YES1: variants seen among roughly 807,000 people sequenced by gnomAD.
YES1 encodes the protein tyrosine-protein kinase Yes.
Under a neutral mutation model 70.4 loss-of-function variants are expected in YES1, and 39 were observed. The ratio of observed to expected loss-of-function variants is 0.55; its 90% confidence interval spans 0.43 to 0.72. YES1 has a LOEUF of 0.72. YES1 is among the 30% of genes least tolerant of loss of function. YES1 has a pLI of 0.00. For synonymous variants in YES1, 198 were observed against 218.6 expected, an observed-to-expected ratio of 0.91 and a Z score of 0.83; for missense variants, 495 against 644.8, an observed-to-expected ratio of 0.77 and a Z score of 2.52.
upstream of YES1, chr18:812,364 G>C (rs1043966270): frequency 1.3e-5 from 2 of 151,506 alleles, no homozygotes; most frequent in African/African-American, 4.9e-5. Context: ...ACTTCTAGCG[G>C]GGGCGGGGGC....
At chr18:789,237 T>C (rs1906116285) in intron 1 of YES1, among the ~76,000 whole-genome samples, 1 of 152,170 alleles carries the variant, frequency 6.6e-6, no homozygotes, top group African/African-American at 2.4e-5. Context: ...TATTAAAATA[T>C]TCATGACCCA....
Position 757,289 on chromosome 18 carries a change from G to T in YES1, c.-8-454C>A, listed in dbSNP as rs184580137. ...GAGGCCAAGGCGGGCGGATCACGAGGTCAGGAGATTGAGACCATCCTGGCT... is the reference window on the plus strand; with the variant it reads ...GAGGCCAAGGCGGGCGGATCACGAGTTCAGGAGATTGAGACCATCCTGGCT... On this transcript the variant is annotated intron_variant, in intron 1 of 11. Coordinates refer to ENST00000314574, the MANE Select transcript of YES1 (RefSeq NM_005433.4). Among the ~76,000 whole-genome samples, 442 of 151,614 alleles carry T rather than the reference G, an allele frequency of 2.9e-3. 1 individual carries two copies. Among genetic ancestry groups the T allele is most frequent in the South Asian group, 5.2e-3 (25 of 4,810 alleles).
At chr18:778,143 A>C (rs1349306146) in intron 1 of YES1, among the ~76,000 whole-genome samples, 1 of 152,204 alleles carries the variant, frequency 6.6e-6, no homozygotes, top group African/African-American at 2.4e-5. Flanking sequence ...AAGAAACTGA[A>C]ATGGAGAGAG....
chr18:800,573 A>G (rs1568220480), intron 1 of YES1, among the ~76,000 whole-genome samples: 1 of 152,238 alleles, frequency 6.6e-6, no homozygotes, highest in East Asian at 1.9e-4. Context: ...GGGAGGACAA[A>G]GGGTACATTC....
intron 1 of YES1, among the ~76,000 whole-genome samples, chr18:771,366 T>TC (rs1260155750): frequency 2.0e-5 from 3 of 148,462 alleles, no homozygotes; most frequent in African/African-American, 5.0e-5. Context: ...AAACTTTGTC[T>TC]CAAAAAAAAA....
intron 8 of YES1, 124 bp from the exon 9 acceptor site, chr18:739,935 T>C (rs2080198261): frequency 1.4e-6 from 1 of 706,448 alleles, no homozygotes; most frequent in Non-Finnish European, 2.2e-6. Flanking sequence ...TTAAATTTTG[T>C]GCAGTTTTGC....
chr18:760,203 C>T (rs754240186), intron 1 of YES1, among the ~76,000 whole-genome samples: 6 of 152,130 alleles, frequency 3.9e-5, no homozygotes, highest in Non-Finnish European at 8.8e-5. Context: ...GGCACAGTGG[C>T]TCACACCTGT....
chr18:807,811 G>A (rs1907174427), intron 1 of YES1, among the ~76,000 whole-genome samples: 1 of 152,152 alleles, frequency 6.6e-6, no homozygotes, highest in Non-Finnish European at 1.5e-5. Context: ...CTTCCTAGGA[G>A]AAAGTAGAGT....
chr18:724,654 T>C, intron 11 of YES1, 22 bp from the exon 12 acceptor site: 1 of 1,603,784 alleles, frequency 6.2e-7, no homozygotes, highest in African/African-American at 1.3e-5. Flanking sequence ...GATTAAAACA[T>C]TAAAGAACAA....
Position 788,558 on chromosome 18 carries a change from G to A in YES1, c.-9+23556C>T, listed in dbSNP as rs1256030925. Reference sequence around the variant, plus strand: ...ACCCAGAAAGGCACTAATATTCTGTGGAAAACTATTTTAGAATGCAACAAC... The same window carrying A: ...ACCCAGAAAGGCACTAATATTCTGTAGAAAACTATTTTAGAATGCAACAAC... On this transcript the variant is annotated intron_variant, in intron 1 of 11. Transcript: ENST00000314574. 2.6e-5 allele frequency among the ~76,000 whole-genome samples: 4 copies of A among 152,104 alleles called. No homozygotes were observed. The East Asian group carries it at 5.8e-4, about 22-fold the overall frequency.
At chr18:781,769 T>C (rs1456159841) in intron 1 of YES1, among the ~76,000 whole-genome samples, 1 of 152,196 alleles carries the variant, frequency 6.6e-6, no homozygotes, top group Non-Finnish European at 1.5e-5. Flanking sequence ...ATTTCCTTTT[T>C]TTTTTGGAGG....
chr18:803,240 C>CA (rs999656660), intron 1 of YES1, among the ~76,000 whole-genome samples: 5 of 152,154 alleles, frequency 3.3e-5, no homozygotes, highest in African/African-American at 1.2e-4. Context: ...GTCTCAAAAA[C>CA]AAAAAATAAA....
At chr18:777,427 A>G (rs1430518140) in intron 1 of YES1, among the ~76,000 whole-genome samples, 1 of 152,220 alleles carries the variant, frequency 6.6e-6, no homozygotes, top group Non-Finnish European at 1.5e-5. Context: ...AAATACTTGT[A>G]GGTTTTCCAA....
intron 10 of YES1, 28 bp from the exon 11 acceptor site, chr18:732,993 A>G (rs1472886467): frequency 6.2e-7 from 1 of 1,612,988 alleles, no homozygotes; most frequent in Non-Finnish European, 8.5e-7. Flanking sequence ...ATCTTGCTTA[A>G]TTGTTTTTTA....
At chr18:724,770 T>G in intron 11 of YES1, 138 bp from the exon 12 acceptor site, 1 of 657,424 alleles carries the variant, frequency 1.5e-6, no homozygotes, top group Non-Finnish European at 2.5e-6. Context: ...ACAAAATAAA[T>G]TTTAAACATG....
intron 1 of YES1, among the ~76,000 whole-genome samples, chr18:801,703 T>C (rs1278230577): frequency 6.6e-6 from 1 of 152,022 alleles, no homozygotes; most frequent in African/African-American, 2.4e-5. Flanking sequence ...GTATAGAGAG[T>C]GTGTATGTGT....
chr18:767,452 C>T (rs1033452008), intron 1 of YES1, among the ~76,000 whole-genome samples: 2 of 151,900 alleles, frequency 1.3e-5, no homozygotes, highest in Admixed American at 6.6e-5. Context: ...TGCCCGGCCC[C>T]ATGTTCAATT....
chr18:770,999 C>T (rs1183599542), intron 1 of YES1, among the ~76,000 whole-genome samples: 1 of 150,358 alleles, frequency 6.7e-6, no homozygotes, highest in African/African-American at 2.5e-5. Flanking sequence ...AAGAGATATC[C>T]CATCTCAAAA....
intron 8 of YES1, among the ~76,000 whole-genome samples, chr18:742,226 G>C (rs1392938151): frequency 6.6e-6 from 1 of 152,176 alleles, no homozygotes; most frequent in African/African-American, 2.4e-5. Context: ...AAAGAGGAAA[G>C]AGTATCAATC....
Sources: allele counts gnomAD v4.1 joint callset (sites outside exome capture counted in the v4.1 genomes callset), GRCh38; gene constraint gnomAD v4.1.1; transcripts MANE v1.5; gene names NCBI Gene and HGNC (gene_info 2026-07-23, HGNC 2026-07-21).